Variants in HECW1 observed in about 807,000 individuals in gnomAD.
HECW1 encodes the protein E3 ubiquitin-protein ligase HECW1.
A neutral mutation model predicts 182.3 loss-of-function variants in HECW1; 61 were observed. That is an observed-to-expected ratio of 0.33 (90% CI 0.27 to 0.41). HECW1 has a LOEUF of 0.41. Ranked by LOEUF, HECW1 falls within the 10% of genes least tolerant of loss-of-function variation. HECW1 has a pLI of 1.00. For synonymous variants in HECW1, 859 were observed against 832.6 expected (o/e 1.03, Z -0.55); for missense variants, 1,739 against 2,108.9 (o/e 0.82, Z 3.44).
intron 3 of HECW1, among the ~76,000 whole-genome samples, chr7:43,291,184 T>C (rs891485900): frequency 6.6e-6 from 1 of 152,228 alleles, no homozygotes; most frequent in African/African-American, 2.4e-5. Context: ...ATTTTTACTT[T>C]CTGCAGAAAG....
At chr7:43,246,788 G>A (rs917023038) in intron 3 of HECW1, among the ~76,000 whole-genome samples, 25 of 152,178 alleles carry the variant, frequency 1.6e-4, no homozygotes, top group African/African-American at 5.8e-4. Context: ...GAGAACTAAC[G>A]TTTGTGACAG....
intron 5 of HECW1, among the ~76,000 whole-genome samples, chr7:43,336,014 CTCTT>C (rs139138149): frequency 0.17 from 21,748 of 125,522 alleles, 2,959 homozygotes; most frequent in African/African-American, 0.38. Flanking sequence ...CTTTCTCTTT[CTCTT>C]TCTTTCTTTT....
intron 26 of HECW1, among the ~76,000 whole-genome samples, chr7:43,546,454 C>T (rs2081566535): frequency 6.6e-6 from 1 of 151,892 alleles, no homozygotes; most frequent in African/African-American, 2.4e-5. Flanking sequence ...ATAGTGTTGA[C>T]ATCCTTTCCA....
At chr7:43,517,866 A>T (rs2080238828) in intron 24 of HECW1, among the ~76,000 whole-genome samples, 1 of 152,196 alleles carries the variant, frequency 6.6e-6, no homozygotes, top group Non-Finnish European at 1.5e-5. Flanking sequence ...GTCACCATAG[A>T]ATGTACGGGA....
intron 2 of HECW1, among the ~76,000 whole-genome samples, chr7:43,130,865 G>T (rs79646663): frequency 6.6e-6 from 1 of 151,478 alleles, no homozygotes; most frequent in African/African-American, 2.4e-5. Flanking sequence ...TGCTCAACCT[G>T]TATTAATAAC....
intron 5 of HECW1, among the ~76,000 whole-genome samples, chr7:43,326,454 C>A (rs1268103659): frequency 6.6e-6 from 1 of 152,156 alleles, no homozygotes; most frequent in Non-Finnish European, 1.5e-5. Context: ...CTCTGAGATT[C>A]TGTTTCTTCA....
At chr7:43,134,628 C>T (rs1325127153) in intron 2 of HECW1, among the ~76,000 whole-genome samples, 1 of 152,100 alleles carries the variant, frequency 6.6e-6, no homozygotes, top group Non-Finnish European at 1.5e-5. Context: ...GCCTCAGCCT[C>T]CTAAGTAGTT....
At chr7:43,238,153 C>T (rs1455296821) in intron 2 of HECW1, among the ~76,000 whole-genome samples, 1 of 152,232 alleles carries the variant, frequency 6.6e-6, no homozygotes, top group Admixed American at 6.5e-5. Context: ...TTGCCCACCA[C>T]AGATGTGCCT....
rs149508301 is a variant in HECW1, at chr7:43,124,552, G to A, written c.-32+10161G>A. 2.8e-4 allele frequency among the ~76,000 whole-genome samples: 43 copies of A among 152,298 alleles called. 1 individual carries two copies. In the East Asian group the frequency reaches 7.5e-3, roughly 27 times the overall value. On this transcript the variant is annotated intron_variant, in intron 2 of 29. Transcript: ENST00000395891. ...TCCCAGGACCACAGAACTTATATTT[G>A]TTAAACCTGAAAGAGGAACCTGTCT...
Position 43,425,246 on chromosome 7 carries a change from C to G in HECW1, c.802-12757C>G, listed in dbSNP as rs138408950. Among the ~76,000 whole-genome samples, 370 of 151,812 alleles carry G rather than the reference C, an allele frequency of 2.4e-3. 7 individuals carry two copies. In the East Asian group the frequency reaches 0.055, roughly 23 times the overall value. On this transcript the variant is annotated intron_variant, in intron 8 of 29. Transcript: ENST00000395891. ...ACACTCACACACACACACACACACA[C>G]ACGTGTACATATATGCAGATGTACA...
intron 2 of HECW1, among the ~76,000 whole-genome samples, chr7:43,116,169 C>T (rs1785031396): frequency 6.6e-6 from 1 of 151,902 alleles, no homozygotes; most frequent in African/African-American, 2.4e-5. Context: ...CACCACCCAC[C>T]CTCAGTAAAC....
intron 5 of HECW1, among the ~76,000 whole-genome samples, chr7:43,336,114 CTTTCTTTCTT>C (rs1812166343): frequency 3.8e-5 from 4 of 106,404 alleles, no homozygotes; most frequent in African/African-American, 1.6e-4. Context: ...TTCTTTCTTT[CTTTCTTTCTT>C]TCTCTCTCTC....
chr7:43,205,613 T>C (rs1795397699), intron 2 of HECW1, among the ~76,000 whole-genome samples: 1 of 152,130 alleles, frequency 6.6e-6, no homozygotes, highest in South Asian at 2.1e-4. Flanking sequence ...ACAAGGCTCA[T>C]TGTGTCTGCA....
At chr7:43,521,983 A>C (rs909638629) in intron 24 of HECW1, among the ~76,000 whole-genome samples, 1 of 152,210 alleles carries the variant, frequency 6.6e-6, no homozygotes, top group East Asian at 1.9e-4. Flanking sequence ...GGTTGAAGGG[A>C]GTGGCCTAGT....
chr7:43,449,400 C>A (rs761279090), intron 11 of HECW1, among the ~76,000 whole-genome samples: 1 of 152,180 alleles, frequency 6.6e-6, no homozygotes, highest in South Asian at 2.1e-4. Flanking sequence ...AAATAATGTT[C>A]TATATTTAAC....
Position 43,466,469 on chromosome 7 carries a change from T to C in HECW1, c.2814T>C (p.Leu938=). ...CAGATCTAAGGAGAGAAGGGTCACTTTCTCCAGTGAACTCACAAAAAATCA... is the reference window on the plus strand; with the variant it reads ...CAGATCTAAGGAGAGAAGGGTCACTCTCTCCAGTGAACTCACAAAAAATCA... The part of the protein sequence containing the change: ...SSLDLRREGS[L]SPVNSQKITL... Residue 938 remains leucine, a synonymous_variant, in exon 15 of 30, where the codon CTT becomes CTC. Coordinates refer to ENST00000395891, the MANE Select transcript of HECW1 (RefSeq NM_015052.5). The C allele has an allele frequency of 1.2e-6, 2 of 1,613,622 alleles. No individual in the cohort carries two copies. Among genetic ancestry groups the C allele is most frequent in the Non-Finnish European group, 1.7e-6 (2 of 1,179,600 alleles).
chr7:43,274,656 A>G (rs1453910558), intron 3 of HECW1: 2 of 320,506 alleles, frequency 6.2e-6, no homozygotes, highest in African/African-American at 2.2e-5. Context: ...AGAGAGAGAG[A>G]GAGAGAGCGA....
intron 24 of HECW1, among the ~76,000 whole-genome samples, chr7:43,530,690 A>G (rs904469186): frequency 5.3e-5 from 8 of 152,148 alleles, no homozygotes; most frequent in African/African-American, 1.9e-4. Flanking sequence ...AATACCTACT[A>G]GACATCTCCA....
At chr7:43,138,664 T>C (rs1787829936) in intron 2 of HECW1, among the ~76,000 whole-genome samples, 2 of 152,226 alleles carry the variant, frequency 1.3e-5, no homozygotes, top group South Asian at 4.1e-4. Flanking sequence ...TAGGCTAGTG[T>C]TCTGTGCCTT....
Sources: allele counts gnomAD v4.1 joint callset (sites outside exome capture counted in the v4.1 genomes callset), GRCh38; gene constraint gnomAD v4.1.1; transcripts MANE v1.5; gene names NCBI Gene and HGNC (gene_info 2026-07-23, HGNC 2026-07-21).